CCDC42: variants seen among roughly 807,000 people sequenced by gnomAD.
CCDC42 encodes coiled-coil domain containing 42.
A neutral mutation model predicts 40.8 loss-of-function variants in CCDC42; 38 were observed. The ratio of observed to expected loss-of-function variants is 0.93; its 90% CI spans 0.72 to 1.22. The LOEUF is 1.22. Ranked by LOEUF, CCDC42 falls within the 50% of genes most tolerant of loss-of-function variation. The probability of loss-of-function intolerance (pLI) is 0.00; values close to 1 mark genes in which losing one functional copy is unlikely to be tolerated. For synonymous variants in CCDC42, 135 were observed against 157.5 expected (o/e 0.86, Z 1.07); for missense variants, 379 against 416.5 (o/e 0.91, Z 0.78).
chr17:8,734,254 T>C (rs1292677421), intron 6 of CCDC42, among the ~76,000 whole-genome samples: 2 of 152,244 alleles, frequency 1.3e-5, no homozygotes, highest in East Asian at 1.9e-4. Context: ...TTAATTTCTA[T>C]TGTGGCAATT....
At chr17:8,739,196 G>A (rs1193524347) in intron 4 of CCDC42, among the ~76,000 whole-genome samples, 6 of 152,156 alleles carry the variant, frequency 3.9e-5, no homozygotes, top group Non-Finnish European at 1.5e-5. Context: ...GGTACCACTG[G>A]TGGCCTGGAT....
At chr17:8,743,367 G>A (rs2086656395) in intron 3 of CCDC42, among the ~76,000 whole-genome samples, 1 of 152,184 alleles carries the variant, frequency 6.6e-6, no homozygotes, top group African/African-American at 2.4e-5. Context: ...TGAATAAACT[G>A]TATGTCCTAG....
chr17:8,732,159 C>T (rs1413518486), intron 6 of CCDC42, among the ~76,000 whole-genome samples: 1 of 151,888 alleles, frequency 6.6e-6, no homozygotes, highest in Non-Finnish European at 1.5e-5. Flanking sequence ...ATTAGCCAGG[C>T]GTAGTGGCGG....
In CCDC42 at chr17:8,735,315, ATGTG is replaced by A; in HGVS notation, c.715-65_715-62del. The A allele has an allele frequency of 1.2e-6, 2 of 1,601,360 alleles. No homozygotes were observed. The highest frequency in any genetic ancestry group is 2.2e-5 in the South Asian group (2 of 90,464). On this transcript the variant is annotated intron_variant, in intron 5 of 6. Coordinates refer to ENST00000293845, the MANE Select transcript of CCDC42 (RefSeq NM_144681.3). This position sits in a 1 kb window ranked among gnomAD's most constrained non-coding sequence, Gnocchi z 4.7. The stretch of plus-strand genomic sequence containing the variant: ...ATGTGGTGTGTGTGTGTTTGTGTGT[ATGTG>A]TGTGTGTGTATGCTCAGGGCCCGCA...
chr17:8,739,628 C>T (rs905418895), intron 4 of CCDC42, among the ~76,000 whole-genome samples: 9 of 152,142 alleles, frequency 5.9e-5, no homozygotes, highest in South Asian at 2.1e-4. Flanking sequence ...CTGCAACCTC[C>T]GCCTCCTGGG....
chr17:8,731,321 T>C (rs1270671774), intron 6 of CCDC42, among the ~76,000 whole-genome samples: 1 of 152,172 alleles, frequency 6.6e-6, no homozygotes, highest in Non-Finnish European at 1.5e-5. Flanking sequence ...TGCAAATTAG[T>C]TCAACCATTG....
intron 4 of CCDC42, among the ~76,000 whole-genome samples, chr17:8,738,929 AAGG>A (rs1303133810): frequency 6.6e-6 from 1 of 152,188 alleles, no homozygotes; most frequent in Non-Finnish European, 1.5e-5. Context: ...GAAGGACACA[AAGG>A]AGTTCATTTA....
chr17:8,739,375 A>T (rs536526460), intron 4 of CCDC42, among the ~76,000 whole-genome samples: 1 of 152,312 alleles, frequency 6.6e-6, no homozygotes, highest in South Asian at 2.1e-4. Flanking sequence ...TCGTCGCGCC[A>T]GCGGCAGGGC....
chr17:8,736,587 G>A (rs60521331), intron 4 of CCDC42, among the ~76,000 whole-genome samples: 65,389 of 152,074 alleles, frequency 0.43, 14,384 homozygotes, highest in Non-Finnish European at 0.46. Context: ...TCTCCATCTC[G>A]TGACATCTCC....
chr17:8,730,013 C>T lies in CCDC42; in HGVS notation c.*117G>A. 1.2e-6 allele frequency: 1 copy of T among 816,192 alleles called. No homozygotes were observed. The highest frequency in any genetic ancestry group is 1.4e-5 in the South Asian group (1 of 69,508). The allele number at this position is 816,192 out of a possible 1,614,324, so 50.6% of individuals were successfully genotyped here. A position where few individuals can be genotyped will look rare whatever the true frequency, so the allele number is the denominator to read the frequency against. On this transcript the variant is annotated 3_prime_UTR_variant, in exon 7 of 7. Transcript: ENST00000293845. ...CCCACGGGGGAAAATAAGCAGGTGT[C>T]CCTCAGCAGGAAGGCACAGCAGGCA...
rs146072068 is a variant in CCDC42 at position 8,736,403 on chromosome 17, A to T, written c.493-792T>A. Among the ~76,000 whole-genome samples, 134 of 152,366 alleles carry T rather than the reference A, an allele frequency of 8.8e-4. 1 individual carries two copies. In the Middle Eastern group the frequency reaches 0.01, roughly 12 times the overall value. On this transcript the variant is annotated intron_variant, in intron 4 of 6. Transcript: ENST00000293845. ...CAGCTCACCTCCCCCAGCCTGGTCCAGAACCATGCCACTCTGGCCCTAACC... is the reference window on the plus strand; with the variant it reads ...CAGCTCACCTCCCCCAGCCTGGTCCTGAACCATGCCACTCTGGCCCTAACC...
rs138218720 is a variant in CCDC42, at chr17:8,735,507, G to T, written c.597C>A (p.Ala199=). 3.4e-4 allele frequency: 543 copies of T among 1,613,968 alleles called. No homozygotes were observed. Among genetic ancestry groups the T allele is most frequent in the Non-Finnish European group, 4.4e-4 (520 of 1,180,040 alleles). Residue 199 remains alanine, a synonymous_variant, in exon 5 of 7, where the codon GCC becomes GCA. Transcript: ENST00000293845. The surrounding 1 kb of genome is among the most constrained non-coding windows in gnomAD (Gnocchi z 4.7). Reference sequence around the variant, plus strand: ...CCATGTAGCGCGCCAGCCGGGCCTTGGCGCGCTCAATCTTCTCCTGGCCTT... The same window carrying T: ...CCATGTAGCGCGCCAGCCGGGCCTTTGCGCGCTCAATCTTCTCCTGGCCTT... ...AQEGQEKIER[A]KARLARYMEE...
chr17:8,732,526 T>A (rs73973199), intron 6 of CCDC42, among the ~76,000 whole-genome samples: 4 of 152,210 alleles, frequency 2.6e-5, no homozygotes, highest in African/African-American at 9.6e-5. Context: ...GTCAATGAAT[T>A]AAAGCAGCTT....
intron 4 of CCDC42, among the ~76,000 whole-genome samples, chr17:8,739,780 T>G (rs1724225019): frequency 6.6e-6 from 1 of 152,154 alleles, no homozygotes; most frequent in Non-Finnish European, 1.5e-5. Context: ...TGACCTCAGG[T>G]GATCCACCTA....
chr17:8,743,866 C>A, intron 2 of CCDC42, 136 bp from the exon 3 acceptor site: 1 of 670,102 alleles, frequency 1.5e-6, no homozygotes, highest in African/African-American at 1.8e-5. Flanking sequence ...CACTTTCTAC[C>A]CCATGCCTGG....
In CCDC42 at chr17:8,735,632, C is replaced by G. The variant is rs185250830; in HGVS notation, c.493-21G>C. 827 of 1,601,328 alleles carry G rather than the reference C, an allele frequency of 5.2e-4. 7 individuals carry two copies. In the Admixed American group the frequency reaches 0.011, roughly 22 times the overall value. On this transcript the variant is annotated intron_variant, in intron 4 of 6. Coordinates refer to ENST00000293845, the MANE Select transcript of CCDC42 (RefSeq NM_144681.3). This position sits in a 1 kb window ranked among gnomAD's most constrained non-coding sequence, Gnocchi z 4.7. ...TCGAACTGTGGTCAGGGGCTCAGGT[C>G]AATGCACAGCCAGCCCCTGGGGCCT...
intron 3 of CCDC42, 36 bp downstream of exon 3, chr17:8,743,590 C>A: frequency 1.7e-6 from 2 of 1,209,508 alleles, no homozygotes; most frequent in Non-Finnish European, 2.5e-6. Flanking sequence ...GACTATGGAT[C>A]CCCTGGCCAC....
chr17:8,738,369 A>G (rs1010697109), intron 4 of CCDC42, among the ~76,000 whole-genome samples: 1 of 152,238 alleles, frequency 6.6e-6, no homozygotes, highest in Non-Finnish European at 1.5e-5. Flanking sequence ...CAGGTGTTCA[A>G]TAGACTATTG....
At chr17:8,731,721 A>T (rs1278834530) in intron 6 of CCDC42, among the ~76,000 whole-genome samples, 1 of 152,162 alleles carries the variant, frequency 6.6e-6, no homozygotes, top group East Asian at 1.9e-4. Context: ...GGACACAAAG[A>T]GGGGAACAAC....
Sources: gnomAD v4.1 joint callset for allele counts (sites outside exome capture counted in the v4.1 genomes callset) on GRCh38, gnomAD v4.1.1 for gene constraint, Gnocchi (gnomAD v3.1) non-coding constraint, MANE v1.5 for transcripts, NCBI Gene and HGNC (gene_info 2026-07-23, HGNC 2026-07-21) for gene names.